The following SND1 variants were observed in gnomAD, a reference collection of about 807,000 sequenced individuals.
SND1 encodes the protein staphylococcal nuclease and tudor domain containing 1.
Under a neutral mutation model 121.7 loss-of-function variants are expected in SND1, and 38 were observed. The ratio of observed to expected loss-of-function variants is 0.31; its 90% CI spans 0.24 to 0.41. SND1 has a LOEUF of 0.41. SND1 is among the 10% of genes least tolerant of loss of function. The pLI, the probability that SND1 is intolerant of heterozygous loss-of-function variation, is 1.00. For missense variants in SND1, 868 were observed against 1,184.6 expected (o/e 0.73, Z 3.92); for synonymous variants, 401 against 447.4 (o/e 0.90, Z 1.31).
chr7:128,046,465 G>A (rs1792950306), intron 16 of SND1, among the ~76,000 whole-genome samples: 1 of 148,596 alleles, frequency 6.7e-6, no homozygotes, highest in South Asian at 2.2e-4. Flanking sequence ...TCGGGTTCAA[G>A]TGATTCTCCT....
rs1293542346 is a variant in SND1, at chr7:127,703,246, C to T, written c.763C>T (p.Arg255Ter). 1.2e-6 allele frequency: 2 copies of T among 1,614,110 alleles called. No homozygotes were observed. Among genetic ancestry groups the T allele is most frequent in the Non-Finnish European group, 1.7e-6 (2 of 1,179,992 alleles). ...AAEAKFFTES[R>*]LLQRDVQIIL... is the part of the protein sequence containing the mutation. ...AGAAGCCAAATTTTTCACTGAGTCG[C>T]GACTGCTTCAGAGAGATGTTCAGAT... The change falls in exon 7 of 24, where the codon CGA becomes TGA. Residue 255 changes from arginine to a stop codon, truncating the protein, a stop_gained. Coordinates refer to ENST00000354725, the MANE Select transcript of SND1 (RefSeq NM_014390.4). LOFTEE classifies it high-confidence loss of function.
chr7:128,006,694 T>C (rs770332951), intron 16 of SND1, among the ~76,000 whole-genome samples: 8 of 152,200 alleles, frequency 5.3e-5, no homozygotes, highest in Non-Finnish European at 1.0e-4. Flanking sequence ...CCCTCTCAAC[T>C]CCCATCAGTG....
chr7:127,959,220 C>T (rs1484889914), intron 15 of SND1, among the ~76,000 whole-genome samples: 1 of 152,154 alleles, frequency 6.6e-6, no homozygotes, highest in African/African-American at 2.4e-5. Context: ...AATAGCTAGA[C>T]GTCCGCTGGC....
intron 1 of SND1, among the ~76,000 whole-genome samples, chr7:127,653,221 C>G (rs1036923673): frequency 2.6e-5 from 4 of 152,194 alleles, no homozygotes; most frequent in African/African-American, 9.6e-5. Context: ...GAAAATTCTT[C>G]AATTTTGAAT....
chr7:127,835,669 A>G (rs1798854795), intron 11 of SND1, among the ~76,000 whole-genome samples: 1 of 150,696 alleles, frequency 6.6e-6, no homozygotes, highest in African/African-American at 2.5e-5. Flanking sequence ...GAGCATTAGC[A>G]CAAACACACA....
chr7:127,721,927 G>T (rs1415990757), intron 10 of SND1, among the ~76,000 whole-genome samples: 1 of 152,122 alleles, frequency 6.6e-6, no homozygotes, highest in Non-Finnish European at 1.5e-5. Flanking sequence ...GGATCTTTTG[G>T]CAGATAGGTT....
chr7:127,848,607 T>A (rs1218543777), intron 12 of SND1, among the ~76,000 whole-genome samples: 2 of 152,224 alleles, frequency 1.3e-5, no homozygotes, highest in Non-Finnish European at 2.9e-5. Flanking sequence ...TCTGTCGGCT[T>A]ATATACCTAC....
At chr7:128,020,489 C>T (rs1040817992) in intron 16 of SND1, among the ~76,000 whole-genome samples, 1 of 152,202 alleles carries the variant, frequency 6.6e-6, no homozygotes, top group Non-Finnish European at 1.5e-5. Flanking sequence ...GGCACATCTT[C>T]CTGGGCTTCA....
intron 11 of SND1, 106 bp downstream of exon 11, chr7:127,807,679 C>G (rs970499936): frequency 1.2e-6 from 1 of 820,828 alleles, no homozygotes; most frequent in Admixed American, 1.9e-5. Flanking sequence ...TGACACTTCT[C>G]CATCAAGTCA....
intron 15 of SND1, among the ~76,000 whole-genome samples, chr7:127,959,892 A>G (rs1307806234): frequency 6.6e-6 from 1 of 152,200 alleles, no homozygotes; most frequent in East Asian, 1.9e-4. Flanking sequence ...GTATTCCCCT[A>G]TGATATGGAA....
intron 15 of SND1, among the ~76,000 whole-genome samples, chr7:127,953,824 T>C (rs1210892049): frequency 6.6e-6 from 1 of 152,198 alleles, no homozygotes; most frequent in African/African-American, 2.4e-5. Flanking sequence ...CCTTCTCTGG[T>C]CTCTCCTGCT....
At chr7:127,961,277 A>T (rs1801725185) in intron 15 of SND1, among the ~76,000 whole-genome samples, 1 of 152,312 alleles carries the variant, frequency 6.6e-6, no homozygotes, top group Admixed American at 6.5e-5. Context: ...ACATAAGTGT[A>T]TTTTCTAAAA....
chr7:127,805,403 C>A (rs1798215444), intron 10 of SND1, among the ~76,000 whole-genome samples: 1 of 152,118 alleles, frequency 6.6e-6, no homozygotes, highest in Non-Finnish European at 1.5e-5. Flanking sequence ...CCTTAAGTTT[C>A]TAGAAGAGCA....
At chr7:127,983,456 A>C (rs944611086) in intron 15 of SND1, among the ~76,000 whole-genome samples, 2 of 152,072 alleles carry the variant, frequency 1.3e-5, no homozygotes, top group African/African-American at 4.8e-5. Context: ...TAAAGACTAG[A>C]AAGGAAGATG....
chr7:128,080,388 G>A (rs1335698205), intron 17 of SND1, among the ~76,000 whole-genome samples: 1 of 152,272 alleles, frequency 6.6e-6, no homozygotes, highest in Non-Finnish European at 1.5e-5. Context: ...AAGGAAGGGA[G>A]AGAGGGAAGG....
At chr7:128,091,920 T>G in intron 23 of SND1, 39 bp downstream of exon 23, 2 of 1,613,988 alleles carry the variant, frequency 1.2e-6, no homozygotes, top group Non-Finnish European at 1.7e-6. Flanking sequence ...GGGTACCGAG[T>G]TGAGGGGTTT....
intron 14 of SND1, among the ~76,000 whole-genome samples, chr7:127,914,904 T>A (rs1800540625): frequency 6.6e-6 from 1 of 152,202 alleles, no homozygotes; most frequent in Non-Finnish European, 1.5e-5. Flanking sequence ...GAAATGGGTA[T>A]GATAATGGCA....
At chr7:128,047,464 T>C (rs1792969611) in intron 16 of SND1, among the ~76,000 whole-genome samples, 1 of 152,262 alleles carries the variant, frequency 6.6e-6, no homozygotes, top group Non-Finnish European at 1.5e-5. Flanking sequence ...CTCTGTTCTT[T>C]CTGAAATCTC....
chr7:127,985,638 G>C (rs1802370260), intron 15 of SND1, among the ~76,000 whole-genome samples: 1 of 152,238 alleles, frequency 6.6e-6, no homozygotes, highest in Non-Finnish European at 1.5e-5. Flanking sequence ...TACAATAGTA[G>C]AGTAAAATAA....
Sources: gnomAD v4.1 joint callset for allele counts (sites outside exome capture counted in the v4.1 genomes callset) on GRCh38, gnomAD v4.1.1 for gene constraint, MANE v1.5 for transcripts, NCBI Gene and HGNC (gene_info 2026-07-23, HGNC 2026-07-21) for gene names.